GRIN3A: variants seen among roughly 807,000 people sequenced by gnomAD.
GRIN3A encodes the protein glutamate ionotropic receptor NMDA type subunit 3A, also known as glutamate receptor ionotropic, NMDA 3A.
GRIN3A carries 47 observed loss-of-function variants against 92.4 expected under a neutral mutation model. The observed-to-expected ratio is 0.51, with a 90% confidence interval of 0.40 to 0.65. The LOEUF is 0.65. Ranked by LOEUF, GRIN3A falls within the 30% of genes least tolerant of loss-of-function variation. The pLI is 0.00. For missense variants in GRIN3A, 1,324 were observed against 1,393.1 expected (o/e 0.95, Z 0.79); for synonymous variants, 527 against 540.6 (o/e 0.97, Z 0.35).
At chr9:101,679,405 T>A (rs1053514422) in intron 2 of GRIN3A, among the ~76,000 whole-genome samples, 5 of 152,174 alleles carry the variant, frequency 3.3e-5, no homozygotes, top group African/African-American at 1.2e-4. Flanking sequence ...TTGAGCTGTA[T>A]TCATCAAAAT....
At chr9:101,582,917 C>T (rs777998538) in intron 6 of GRIN3A, among the ~76,000 whole-genome samples, 30 of 152,042 alleles carry the variant, frequency 2.0e-4, no homozygotes, top group African/African-American at 4.8e-4. Context: ...ACAAATAGGC[C>T]GTATTGTTTA....
chr9:101,600,686 G>A (rs1445293936), intron 6 of GRIN3A, among the ~76,000 whole-genome samples: 1 of 152,186 alleles, frequency 6.6e-6, no homozygotes, highest in Non-Finnish European at 1.5e-5. Flanking sequence ...AAAACAAGTA[G>A]GAGGAACTGA....
chr9:101,707,022 A>G (rs1371504250), intron 1 of GRIN3A, among the ~76,000 whole-genome samples: 2 of 152,254 alleles, frequency 1.3e-5, no homozygotes, highest in Non-Finnish European at 2.9e-5. Flanking sequence ...GAGAAGCAAA[A>G]AACATCCTAA....
At chr9:101,621,037 C>T (rs1341169164) in intron 5 of GRIN3A, among the ~76,000 whole-genome samples, 2 of 152,088 alleles carry the variant, frequency 1.3e-5, no homozygotes, top group Non-Finnish European at 2.9e-5. Context: ...GTAATCCCAG[C>T]ACTTTGGGAG....
At chr9:101,699,338 C>A (rs1355901681) in intron 1 of GRIN3A, among the ~76,000 whole-genome samples, 2 of 152,012 alleles carry the variant, frequency 1.3e-5, no homozygotes, top group Non-Finnish European at 2.9e-5. Context: ...TCTGGAATAC[C>A]TCCTGAAGGA....
At position 101,702,702 on chromosome 9, in the gene GRIN3A, C is replaced by A. The variant is rs374601691; in HGVS notation, c.700-15502G>T. On this transcript the variant is annotated intron_variant, in intron 1 of 8. Coordinates refer to ENST00000361820, the MANE Select transcript of GRIN3A (RefSeq NM_133445.3). ...ATATTGGACTCCATTCTTGATATCTCCTTTAGGGTTGCTGTTAGGCATCTG... is the reference window on the plus strand; with the variant it reads ...ATATTGGACTCCATTCTTGATATCTACTTTAGGGTTGCTGTTAGGCATCTG... Among the ~76,000 whole-genome samples the A allele has an allele frequency of 8.4e-4, 128 of 152,252 alleles. 1 individual carries two copies. The highest frequency in any genetic ancestry group is 2.9e-3 in the South Asian group (14 of 4,820).
intron 3 of GRIN3A, among the ~76,000 whole-genome samples, chr9:101,644,358 C>T (rs35873867): frequency 0.2 from 29,452 of 149,566 alleles, 3,229 homozygotes; most frequent in Non-Finnish European, 0.25. Context: ...ATGAAGAAAC[C>T]GGAATTGATG....
intron 3 of GRIN3A, among the ~76,000 whole-genome samples, chr9:101,659,944 CTT>C (rs1208186010): frequency 1.3e-5 from 2 of 151,780 alleles, no homozygotes; most frequent in Non-Finnish European, 2.9e-5. Flanking sequence ...CAGTTTTTGA[CTT>C]ATCAATCTGA....
At chr9:101,717,504 C>T (rs1829962419) in intron 1 of GRIN3A, among the ~76,000 whole-genome samples, 1 of 152,150 alleles carries the variant, frequency 6.6e-6, no homozygotes, top group African/African-American at 2.4e-5. Flanking sequence ...TACTTAATGA[C>T]GGATGAGCAG....
At chr9:101,730,063 C>T (rs1270979634) in intron 1 of GRIN3A, among the ~76,000 whole-genome samples, 1 of 152,158 alleles carries the variant, frequency 6.6e-6, no homozygotes, top group Non-Finnish European at 1.5e-5. Context: ...CCAAAACATG[C>T]TTCTTCTTAA....
intron 1 of GRIN3A, among the ~76,000 whole-genome samples, chr9:101,714,421 G>C (rs1028254934): frequency 6.6e-6 from 1 of 152,168 alleles, no homozygotes; most frequent in Admixed American, 6.5e-5. Context: ...ACAAAATTAA[G>C]AAAATCTTAC....
At chr9:101,659,818 A>G (rs1829147715) in intron 3 of GRIN3A, among the ~76,000 whole-genome samples, 1 of 151,846 alleles carries the variant, frequency 6.6e-6, no homozygotes, top group Admixed American at 6.6e-5. Context: ...GAATTACTGT[A>G]TCTATTTGAA....
At chr9:101,706,353 C>T (rs566610960) in intron 1 of GRIN3A, among the ~76,000 whole-genome samples, 1 of 152,278 alleles carries the variant, frequency 6.6e-6, no homozygotes, top group African/African-American at 2.4e-5. Context: ...GGGTCAGATG[C>T]ACTTAAATGA....
intron 6 of GRIN3A, among the ~76,000 whole-genome samples, chr9:101,586,608 CA>C (rs996985426): frequency 2.0e-4 from 31 of 152,008 alleles, no homozygotes; most frequent in African/African-American, 5.1e-4. Flanking sequence ...GAAACTGGGA[CA>C]AAAAATTTTT....
chr9:101,651,777 T>C (rs1829018467), intron 3 of GRIN3A, among the ~76,000 whole-genome samples: 1 of 151,952 alleles, frequency 6.6e-6, no homozygotes, highest in Admixed American at 6.6e-5. Flanking sequence ...CTGAGCTGCT[T>C]CTGAGATTTC....
rs10117211 is a variant in GRIN3A at position 101,625,815 on chromosome 9, T to C, written c.2499-2382A>G. 8.9e-3 allele frequency among the ~76,000 whole-genome samples: 1,349 copies of C among 152,324 alleles called. 24 individuals are homozygous for C. The highest frequency in any genetic ancestry group is 0.031 in the African/African-American group (1,295 of 41,570). On this transcript the variant is annotated intron_variant, in intron 4 of 8. Transcript: ENST00000361820. ...ACTGCCACAGTACCATAATGTACCT[T>C]GACAGCTACGTAGCAACAAGTTATC... is the stretch of plus-strand genomic sequence containing the variant.
chr9:101,579,233 T>C lies in GRIN3A; in HGVS notation c.2894A>G (p.Asn965Ser). The part of the protein sequence containing the change: ...VYRLLLPRIK[N>S]KSKLQYWLHT... ...GAGCCAGTATTGCAGCTTGGATTTG[T>C]TTTTGATTCGTGGTAGCAGCAGCCT... Residue 965 changes from asparagine (N) to serine (S), a missense_variant, in exon 7 of 9, where the codon AAC becomes AGC. Asn to Ser is a conservative substitution (Grantham distance 46, BLOSUM62 1). Coordinates refer to ENST00000361820, the MANE Select transcript of GRIN3A (RefSeq NM_133445.3). 1 of 1,614,032 alleles carries C rather than the reference T, an allele frequency of 6.2e-7. No individual in the cohort carries two copies. Among genetic ancestry groups the C allele is most frequent in the Non-Finnish European group, 8.5e-7 (1 of 1,179,912 alleles).
intron 1 of GRIN3A, among the ~76,000 whole-genome samples, chr9:101,689,592 A>G (rs1783523896): frequency 6.6e-6 from 1 of 152,278 alleles, no homozygotes; most frequent in South Asian, 2.1e-4. Context: ...CTTGAGACAT[A>G]TTTCTTCAGA....
At chr9:101,666,814 C>T (rs1829243358) in intron 3 of GRIN3A, among the ~76,000 whole-genome samples, 1 of 151,994 alleles carries the variant, frequency 6.6e-6, no homozygotes, top group Non-Finnish European at 1.5e-5. Context: ...ATTGCCAAGT[C>T]CTGCTGATTG....
Sources: allele counts gnomAD v4.1 joint callset (sites outside exome capture counted in the v4.1 genomes callset), GRCh38; gene constraint gnomAD v4.1.1; transcripts MANE v1.5; gene names NCBI Gene and HGNC (gene_info 2026-07-23, HGNC 2026-07-21).